The following JAM3 variants were observed in gnomAD, a reference collection of about 807,000 sequenced individuals.
The protein encoded by JAM3 is junctional adhesion molecule C.
JAM3 carries 31 observed loss-of-function variants against 39.4 expected under a neutral mutation model. The observed-to-expected ratio is 0.79, with a 90% CI of 0.59 to 1.06. The LOEUF (loss-of-function observed/expected upper bound fraction) is 1.06. JAM3 is among the 50% of genes least tolerant of loss of function. The pLI, the probability that JAM3 is intolerant of heterozygous loss-of-function variation, is 0.00. For missense variants in JAM3, 455 were observed against 391.4 expected (o/e 1.16, Z -1.37); for synonymous variants, 182 against 148.7 (o/e 1.22, Z -1.63).
chr11:134,100,975 T>C (rs561066253), intron 1 of JAM3, among the ~76,000 whole-genome samples: 1 of 152,352 alleles, frequency 6.6e-6, no homozygotes, highest in African/African-American at 2.4e-5. Context: ...CAGTGATGTT[T>C]ATGTCTTCTT....
chr11:134,090,270 A>G (rs2120632506), intron 1 of JAM3, among the ~76,000 whole-genome samples: 1 of 152,258 alleles, frequency 6.6e-6, no homozygotes, highest in East Asian at 1.9e-4. Context: ...GTTCACTGTG[A>G]TGGTAGTTTC....
intron 1 of JAM3, among the ~76,000 whole-genome samples, chr11:134,124,700 A>T (rs1387177747): frequency 6.6e-6 from 1 of 152,166 alleles, no homozygotes; most frequent in Non-Finnish European, 1.5e-5. Flanking sequence ...GAGTCATTAA[A>T]AGAAATATGC....
intron 1 of JAM3, among the ~76,000 whole-genome samples, chr11:134,116,746 G>A (rs11223699): frequency 0.15 from 23,213 of 151,692 alleles, 1,944 homozygotes; most frequent in African/African-American, 0.22. Flanking sequence ...CTAGGCTCTC[G>A]GTGAACAGGG....
intron 1 of JAM3, among the ~76,000 whole-genome samples, chr11:134,139,208 C>G (rs1942928295): frequency 1.3e-5 from 2 of 152,194 alleles, no homozygotes; most frequent in Non-Finnish European, 2.9e-5. Context: ...AAAGGGATTG[C>G]CATGCAATTA....
intron 1 of JAM3, among the ~76,000 whole-genome samples, chr11:134,081,775 C>T (rs913434511): frequency 2.0e-5 from 3 of 152,198 alleles, no homozygotes; most frequent in African/African-American, 7.2e-5. Flanking sequence ...AAGAGGGCCA[C>T]CATCCTCCAG....
chr11:134,099,670 G>A (rs575073093), intron 1 of JAM3, among the ~76,000 whole-genome samples: 11 of 152,288 alleles, frequency 7.2e-5, no homozygotes, highest in East Asian at 1.9e-4. Flanking sequence ...GCAATGGTGC[G>A]ATCTTGGGTC....
chr11:134,106,119 C>G (rs890706492), intron 1 of JAM3, among the ~76,000 whole-genome samples: 8 of 152,006 alleles, frequency 5.3e-5, no homozygotes, highest in African/African-American at 1.9e-4. Context: ...CTACAGTAAC[C>G]AAAACAGCAT....
At chr11:134,123,826 AC>A in intron 1 of JAM3, 1 of 774,186 alleles carries the variant, frequency 1.3e-6, no homozygotes, top group South Asian at 1.4e-5. Flanking sequence ...ATTTCTTTCT[AC>A]TGAACACAGC....
intron 1 of JAM3, among the ~76,000 whole-genome samples, chr11:134,114,931 G>C (rs2120744641): frequency 6.6e-6 from 1 of 152,292 alleles, no homozygotes; most frequent in South Asian, 2.1e-4. Flanking sequence ...GCTATTGAGA[G>C]TAGTGTTGAA....
rs1325510825 is a variant in JAM3 at position 134,144,270 on chromosome 11, G to T, written c.286G>T (p.Gly96Trp). The T allele has an allele frequency of 6.2e-7, 1 of 1,614,056 alleles. No homozygotes were observed. Among genetic ancestry groups the T allele is most frequent in the African/African-American group, 1.3e-5 (1 of 74,912 alleles). ...CTTGGCGGGTCGTGCAGAAATACTG[G>T]GGAAGACATCCCTGAAGATCTGGAA... ...GDLAGRAEIL[G>W]KTSLKIWNVT... Residue 96 changes from glycine (G) to tryptophan (W), a missense_variant, in exon 4 of 9, where the codon GGG becomes TGG. Transcript: ENST00000299106.
At chr11:134,128,772 T>C (rs368157736) in intron 1 of JAM3, among the ~76,000 whole-genome samples, 2 of 152,230 alleles carry the variant, frequency 1.3e-5, no homozygotes, top group Non-Finnish European at 2.9e-5. Context: ...AAACCTTTTT[T>C]CTTAATAAAT....
intron 1 of JAM3, among the ~76,000 whole-genome samples, chr11:134,089,315 C>CT (rs909374374): frequency 6.6e-5 from 10 of 151,920 alleles, no homozygotes; most frequent in Admixed American, 1.3e-4. Context: ...TTTTCTTTTT[C>CT]TTTTTTTTAT....
intron 1 of JAM3, among the ~76,000 whole-genome samples, chr11:134,096,374 A>G (rs1941983767): frequency 6.6e-6 from 1 of 152,182 alleles, no homozygotes. Context: ...TGGTCTGTTC[A>G]CTTCCATCCA....
In JAM3 at chr11:134,148,622, T is replaced by A; in HGVS notation, c.788T>A (p.Ile263Asn). 6.2e-7 allele frequency: 1 copy of A among 1,614,176 alleles called. No homozygotes were observed. Among genetic ancestry groups the A allele is most frequent in the Non-Finnish European group, 8.5e-7 (1 of 1,180,022 alleles). The change falls in exon 7 of 9, where the codon ATC (isoleucine) becomes AAC (asparagine). Residue 263 changes from isoleucine (I) to asparagine (N), a missense_variant. Physicochemically the swap from Ile to Asn is moderately radical, Grantham distance 149 (BLOSUM62 -3). Transcript: ENST00000299106. ...LAVLALITLG[I>N]CCAYRRGYFI... ...GTACTGGCCCTGATCACGTTGGGCA[T>A]CTGCTGTGCATACAGACGTGGCTAC...
intron 8 of JAM3, 35 bp from the exon 9 acceptor site, chr11:134,149,111 C>A: frequency 6.2e-7 from 1 of 1,613,588 alleles, no homozygotes; most frequent in Non-Finnish European, 8.5e-7. Context: ...GCCACCAGGC[C>A]CCTTGATGGC....
chr11:134,145,069 TAGG>T lies in JAM3; in HGVS notation c.612+78_612+80del. Reference sequence around the variant, plus strand: ...GAGATGCTTATTGTGAAAAGAAGATTAGGAGAGATACTGAAACTTCTTGATAAG... The same window carrying T: ...GAGATGCTTATTGTGAAAAGAAGATTAGAGATACTGAAACTTCTTGATAAG... On this transcript the variant is annotated intron_variant, in intron 5 of 8. Transcript: ENST00000299106. The T allele has an allele frequency of 6.5e-6, 8 of 1,232,494 alleles. No individual in the cohort carries two copies. In the South Asian group the frequency reaches 7.3e-5, roughly 11 times the overall value. 76.3% of individuals were successfully genotyped at this position (1,232,494 alleles called of 1,614,324 possible).
Position 134,140,649 on chromosome 11 carries a change from C to T in JAM3, c.143-8C>T, listed in dbSNP as rs202130887. 6.7e-4 allele frequency: 1,069 copies of T among 1,606,782 alleles called. 1 individual carries two copies. Among genetic ancestry groups the T allele is most frequent in the Non-Finnish European group, 8.2e-4 (964 of 1,173,752 alleles). Reference sequence around the variant, plus strand: ...CACCGAGAGCTCTTTTTCTTCTTTGCGTGTTAGGTGTGGAACTGTCTTGCA... The same window carrying T: ...CACCGAGAGCTCTTTTTCTTCTTTGTGTGTTAGGTGTGGAACTGTCTTGCA... On this transcript the variant is annotated splice_region_variant and splice_polypyrimidine_tract_variant and intron_variant, in intron 2 of 8. Coordinates refer to ENST00000299106, the MANE Select transcript of JAM3 (RefSeq NM_032801.5).
intron 1 of JAM3, among the ~76,000 whole-genome samples, chr11:134,107,899 T>A (rs996057569): frequency 2.7e-5 from 4 of 150,668 alleles, no homozygotes; most frequent in Admixed American, 2.6e-4. Context: ...GGAAAAAAAA[T>A]CAGAAAAAGA....
intron 1 of JAM3, among the ~76,000 whole-genome samples, chr11:134,114,508 A>G (rs910189628): frequency 2.0e-5 from 3 of 152,214 alleles, no homozygotes; most frequent in Middle Eastern, 6.8e-3. Flanking sequence ...GTGTGGTATT[A>G]TTTCTGAGGG....
Sources: allele counts gnomAD v4.1 joint callset (sites outside exome capture counted in the v4.1 genomes callset), GRCh38; gene constraint gnomAD v4.1.1; transcripts MANE v1.5; gene names NCBI Gene and HGNC (gene_info 2026-07-23, HGNC 2026-07-21).